The following PDE8A variants were observed in gnomAD, a reference collection of about 807,000 sequenced individuals.
The protein encoded by PDE8A is high affinity cAMP-specific and IBMX-insensitive 3',5'-cyclic phosphodiesterase 8A.
In PDE8A, 59 loss-of-function variants were observed where a neutral mutation model predicts 105.0. The ratio of observed to expected loss-of-function variants is 0.56; its 90% CI spans 0.46 to 0.70. The LOEUF is 0.70. Among genes scored for constraint, PDE8A ranks in the 30% least tolerant of loss-of-function variants. The pLI is 0.00. For missense variants in PDE8A, 1,014 were observed against 1,045.9 expected (o/e 0.97, Z 0.42); for synonymous variants, 355 against 371.9 (o/e 0.95, Z 0.52).
At chr15:85,040,822 A>G (rs533291078) in intron 1 of PDE8A, among the ~76,000 whole-genome samples, 119 of 152,038 alleles carry the variant, frequency 7.8e-4, no homozygotes, top group African/African-American at 2.7e-3. Context: ...GCCTCCCAAA[A>G]TGCTGGGATT....
chr15:84,995,566 C>G (rs775662253), intron 1 of PDE8A, among the ~76,000 whole-genome samples: 11 of 152,214 alleles, frequency 7.2e-5, no homozygotes, highest in Non-Finnish European at 8.8e-5. Context: ...AGCAGTCCTC[C>G]TGCCTCAGCT....
At position 85,133,113 on chromosome 15, in the gene PDE8A, A is replaced by C. The variant is rs535696289; in HGVS notation, c.2254-3421A>C. Among the ~76,000 whole-genome samples the C allele has an allele frequency of 1.3e-3, 203 of 152,290 alleles. 1 individual carries two copies. In the South Asian group the frequency reaches 0.041, roughly 31 times the overall value. On this transcript the variant is annotated intron_variant, in intron 20 of 21. Transcript: ENST00000394553. ...AAGTTTTCTCAAACATTTTCTGAGCATGTCTTGTCTGGGTCTGCATATACA... is the reference window on the plus strand; with the variant it reads ...AAGTTTTCTCAAACATTTTCTGAGCCTGTCTTGTCTGGGTCTGCATATACA...
In PDE8A at chr15:84,982,237, G is replaced by A; in HGVS notation, c.75G>A (p.Pro25=). The change falls in exon 1 of 22, where the codon CCG becomes CCA. Residue 25 remains proline, a synonymous_variant. Coordinates refer to ENST00000394553, the MANE Select transcript of PDE8A (RefSeq NM_002605.3). ...AEDAPSPAAP[P]LSSGGPRLPQ... ...ACGCGCCTAGCCCCGCGGCACCGCC[G>A]CTGTCGTCCGGCGGGCCGCGCCTCC... is the stretch of plus-strand genomic sequence containing the variant. 6.8e-7 allele frequency: 1 copy of A among 1,467,570 alleles called. No homozygotes were observed. The highest frequency in any genetic ancestry group is 2.5e-5 in the Admixed American group (1 of 39,744). The allele number at this position is 1,467,570 out of a possible 1,614,324, so 90.9% of individuals were successfully genotyped here. A position where few individuals can be genotyped will look rare whatever the true frequency, so the allele number is the denominator to read the frequency against.
At chr15:85,101,741 AGGAAGAG>A (rs1227844367) in intron 11 of PDE8A, among the ~76,000 whole-genome samples, 2 of 152,236 alleles carry the variant, frequency 1.3e-5, no homozygotes, top group East Asian at 3.8e-4. Context: ...TGATGACAGT[AGGAAGAG>A]AGAAGAGAGA....
chr15:85,080,772 C>A (rs1338499000), intron 5 of PDE8A, among the ~76,000 whole-genome samples: 3 of 152,330 alleles, frequency 2.0e-5, no homozygotes, highest in East Asian at 1.9e-4. Flanking sequence ...GACACACACA[C>A]TCTTGCTGCC....
chr15:85,030,706 T>G (rs74990747), intron 1 of PDE8A, among the ~76,000 whole-genome samples: 1 of 31,684 alleles, frequency 3.2e-5, no homozygotes, highest in Non-Finnish European at 7.6e-5. Context: ...TTCCATGCCT[T>G]TTTGCACATA....
intron 1 of PDE8A, among the ~76,000 whole-genome samples, chr15:85,055,667 A>G (rs886423028): frequency 1.3e-5 from 2 of 152,214 alleles, no homozygotes; most frequent in East Asian, 3.9e-4. Flanking sequence ...TGCTTGGTAG[A>G]TCTTCCTCCA....
chr15:84,982,753 T>C (rs181549554), intron 1 of PDE8A, among the ~76,000 whole-genome samples: 11 of 152,334 alleles, frequency 7.2e-5, no homozygotes, highest in Non-Finnish European at 1.5e-4. Flanking sequence ...ACTTTGTTCT[T>C]TTCCTGTGGT....
intron 1 of PDE8A, among the ~76,000 whole-genome samples, chr15:85,013,251 TA>T (rs2080270433): frequency 1.3e-5 from 2 of 152,204 alleles, no homozygotes; most frequent in African/African-American, 4.8e-5. Flanking sequence ...ATTACAAGGT[TA>T]AAAGGGCTTT....
chr15:85,137,268 G>T (rs2082425950), intron 21 of PDE8A, among the ~76,000 whole-genome samples: 1 of 152,208 alleles, frequency 6.6e-6, no homozygotes, highest in Non-Finnish European at 1.5e-5. Flanking sequence ...AAGGACTGAA[G>T]CAGTGGAGCT....
chr15:85,128,276 G>C (rs2082285469), intron 20 of PDE8A, among the ~76,000 whole-genome samples: 2 of 152,150 alleles, frequency 1.3e-5, no homozygotes, highest in African/African-American at 4.8e-5. Context: ...AGGCCAAGGT[G>C]GGAGGATTAC....
At chr15:84,984,867 G>A (rs1380742560) in intron 1 of PDE8A, among the ~76,000 whole-genome samples, 2 of 151,972 alleles carry the variant, frequency 1.3e-5, no homozygotes, top group Non-Finnish European at 2.9e-5. Flanking sequence ...TCAGAGTTTG[G>A]ATTTTCAGAT....
intron 1 of PDE8A, among the ~76,000 whole-genome samples, chr15:84,997,829 A>G (rs764643737): frequency 6.6e-6 from 1 of 152,132 alleles, no homozygotes; most frequent in African/African-American, 2.4e-5. Context: ...TCCCAACCTC[A>G]GGTGATCTGC....
At chr15:85,067,854 T>C (rs2081254042) in intron 3 of PDE8A, among the ~76,000 whole-genome samples, 2 of 152,094 alleles carry the variant, frequency 1.3e-5, no homozygotes, top group African/African-American at 4.8e-5. Context: ...GACGTCAACA[T>C]GGGTTTGTTT....
At chr15:84,992,332 G>A (rs1410891040) in intron 1 of PDE8A, among the ~76,000 whole-genome samples, 1 of 152,060 alleles carries the variant, frequency 6.6e-6, no homozygotes, top group African/African-American at 2.4e-5. Flanking sequence ...GGAGGATGTG[G>A]ATAAGTGGAA....
chr15:85,067,832 G>C (rs1555473119), intron 3 of PDE8A, among the ~76,000 whole-genome samples: 1 of 152,126 alleles, frequency 6.6e-6, no homozygotes, highest in Non-Finnish European at 1.5e-5. Context: ...GATTATTTAT[G>C]GGGTATGTGG....
At chr15:85,123,831 G>GA (rs1050692197) in intron 19 of PDE8A, among the ~76,000 whole-genome samples, 2 of 152,230 alleles carry the variant, frequency 1.3e-5, no homozygotes, top group East Asian at 1.9e-4. Context: ...AACTTGGCAG[G>GA]AAAAAAATTA....
chr15:84,985,967 A>G (rs1385996020), intron 1 of PDE8A, among the ~76,000 whole-genome samples: 1 of 152,094 alleles, frequency 6.6e-6, no homozygotes, highest in Admixed American at 6.6e-5. Flanking sequence ...GCTCATGTCT[A>G]TAGTCCCAGC....
intron 1 of PDE8A, among the ~76,000 whole-genome samples, chr15:85,056,181 G>T (rs976508979): frequency 2.2e-4 from 33 of 152,216 alleles, no homozygotes; most frequent in Non-Finnish European, 1.8e-4. Flanking sequence ...GATATCAGCT[G>T]TTAGTCTGAT....
Sources: allele counts gnomAD v4.1 joint callset (sites outside exome capture counted in the v4.1 genomes callset), GRCh38; gene constraint gnomAD v4.1.1; transcripts MANE v1.5; gene names NCBI Gene and HGNC (gene_info 2026-07-23, HGNC 2026-07-21).